The following GPRIN2 variants were observed in gnomAD, a reference collection of about 807,000 sequenced individuals.
The protein encoded by GPRIN2 is G protein regulated inducer of neurite outgrowth 2.
In GPRIN2, 1 loss-of-function variant was observed where a neutral mutation model predicts 0.3. That is an observed-to-expected ratio of 3.90 (90% CI 1.39 to 18.51). The LOEUF is 18.51. Among genes scored for constraint, GPRIN2 ranks in the 30% most tolerant of loss-of-function variants. The pLI is 0.11. For synonymous variants in GPRIN2, 361 were observed against 258.6 expected (o/e 1.40, Z -3.80); for missense variants, 880 against 604.2 (o/e 1.46, Z -4.79).
intron 2 of GPRIN2, among the ~76,000 whole-genome samples, chr10:46,551,695 C>A (rs1189579499): frequency 6.6e-6 from 1 of 152,308 alleles, no homozygotes; most frequent in African/African-American, 2.4e-5. Flanking sequence ...CCCCCACCCT[C>A]CGTACCATCG....
chr10:46,551,350 C>T, intron 2 of GPRIN2: 1 of 976,392 alleles, frequency 1.0e-6, no homozygotes, highest in Non-Finnish European at 1.2e-6. Flanking sequence ...GCTTCCACAA[C>T]CACCCCCATC....
rs1349143124 is a variant in GPRIN2 at position 46,547,934 on chromosome 10, C to G, written c.*1426G>C. Among the ~76,000 whole-genome samples the G allele has an allele frequency of 2.6e-5, 4 of 152,308 alleles. No homozygotes were observed. The highest frequency in any genetic ancestry group is 9.6e-5 in the African/African-American group (4 of 41,484). ...GTGGCCTGTTGAAATGCCACTCCTG[C>G]TTTACAAATTCACCAACTGTTGCAT... On this transcript the variant is annotated 3_prime_UTR_variant, in exon 3 of 3. Transcript: ENST00000374314.
Position 46,550,235 on chromosome 10 carries a change from C to A in GPRIN2, c.502G>T (p.Ala168Ser). 1 of 1,607,366 alleles carries A rather than the reference C, an allele frequency of 6.2e-7. No homozygotes were observed. Among genetic ancestry groups the A allele is most frequent in the Non-Finnish European group, 8.5e-7 (1 of 1,176,254 alleles). The change falls in exon 3 of 3, where the codon GCC becomes TCC. Residue 168 changes from alanine to serine, a missense_variant. Coordinates refer to ENST00000374314, the MANE Select transcript of GPRIN2 (RefSeq NM_001385282.1). ...AGGTCCCTTTCCAGGCCTGCAGGGG[C>A]CTGGCCACCCTGGCCAGAAGTACCA... ...PGGTSGQGGQAPAGLERDLAP... is the reference protein window; with the variant it reads ...PGGTSGQGGQSPAGLERDLAP...
chr10:46,549,671 C>G lies in GPRIN2; in HGVS notation c.1066G>C (p.Ala356Pro). Residue 356 changes from alanine (A) to proline (P), a missense_variant, in exon 3 of 3, where the codon GCG becomes CCG. Transcript: ENST00000374314. The part of the protein sequence containing the change: ...KAVATSPSLE[A>P]PAALHVFPEV... ...GGGAACACATGCAGGGCTGCAGGCG[C>G]TTCCAGGGACGGACTGGTGGCCACA... The G allele has an allele frequency of 1.2e-6, 2 of 1,614,160 alleles. No homozygotes were observed. Among genetic ancestry groups the G allele is most frequent in the African/African-American group, 1.3e-5 (1 of 75,090 alleles).
chr10:46,549,808 G>T lies in GPRIN2; in HGVS notation c.929C>A (p.Thr310Asn), dbSNP rs1832584063. 3 of 1,614,088 alleles carry T rather than the reference G, an allele frequency of 1.9e-6. No homozygotes were observed. The African/African-American group carries it at 4.0e-5, about 22-fold the overall frequency. Residue 310 changes from threonine (T) to asparagine (N), a missense_variant, in exon 3 of 3, where the codon ACC (threonine) becomes AAC (asparagine). Transcript: ENST00000374314. ...TGAGGTCATGGTCCACACATCTTTG[G>T]TCCTAGAGCCAGGCTCTGGGACTAA... ...AGLVPEPGSR[T>N]KDVWTMTSAN...
At chr10:46,551,675 T>G (rs1842626206) in intron 2 of GPRIN2, among the ~76,000 whole-genome samples, 1 of 152,312 alleles carries the variant, frequency 6.6e-6, no homozygotes. Context: ...TGTACCTGCA[T>G]CCTCATTGTC....
intron 1 of GPRIN2, 125 bp from the exon 2 acceptor site, chr10:46,554,820 C>CCCGCCATGCTGCCACAG (rs1439738641): frequency 6.5e-6 from 1 of 153,994 alleles, no homozygotes; most frequent in Non-Finnish European, 1.4e-5. Flanking sequence ...GAGTCCAGCT[C>CCCGCCATGCTGCCACAG]CCGCCATGCT....
Position 46,550,288 on chromosome 10 carries a change from G to A in GPRIN2, c.449C>T (p.Pro150Leu), listed in dbSNP as rs1832419777. 2.5e-6 allele frequency: 4 copies of A among 1,612,968 alleles called. No homozygotes were observed. Among genetic ancestry groups the A allele is most frequent in the Non-Finnish European group, 3.4e-6 (4 of 1,179,886 alleles). ...SLSCSALGSS[P>L]VHRAQLQPGG... ...TGGCTGCAGCTGAGCCCTGTGGACA[G>A]GGCTGCTGCCAAGGGCTGAGCAGCT... The change falls in exon 3 of 3, where the codon CCT becomes CTT. Residue 150 changes from proline to leucine, a missense_variant. By Grantham distance (98) the Pro-to-Leu change is moderately conservative. Coordinates refer to ENST00000374314, the MANE Select transcript of GPRIN2 (RefSeq NM_001385282.1).
Position 46,543,223 on chromosome 10 carries a change from G to A in GPRIN2, c.*6137C>T, listed in dbSNP as rs1410138062. Among the ~76,000 whole-genome samples, 1 of 152,310 alleles carries A rather than the reference G, an allele frequency of 6.6e-6. No homozygotes were observed. On this transcript the variant is annotated 3_prime_UTR_variant, in exon 3 of 3. Transcript: ENST00000374314. ...GACCCAGACACAGCCACAGCTGGGG[G>A]CCTGGTGGGGGGAATGGCCAAGACC...
Position 46,546,377 on chromosome 10 carries a change from C to G in GPRIN2, c.*2983G>C, listed in dbSNP as rs1842163096. 6.6e-6 allele frequency among the ~76,000 whole-genome samples: 1 copy of G among 152,310 alleles called. No individual in the cohort carries two copies. The highest frequency in any genetic ancestry group is 6.5e-5 in the Admixed American group (1 of 15,294). On this transcript the variant is annotated 3_prime_UTR_variant, in exon 3 of 3. Transcript: ENST00000374314. The stretch of plus-strand genomic sequence containing the variant: ...GGGATTCCTGCTGAGGCAAGGGGCT[C>G]TAGGACTCCAGGGTTTATGCTCCAA...
chr10:46,553,972 G>C (rs1842892485), intron 2 of GPRIN2, among the ~76,000 whole-genome samples: 1 of 152,310 alleles, frequency 6.6e-6, no homozygotes, highest in East Asian at 1.9e-4. Flanking sequence ...GAGGAGGAAG[G>C]GGCAGGGCTC....
At chr10:46,553,503 AG>A (rs1302567529) in intron 2 of GPRIN2, among the ~76,000 whole-genome samples, 1 of 152,300 alleles carries the variant, frequency 6.6e-6, no homozygotes, top group Non-Finnish European at 1.5e-5. Flanking sequence ...CCTCCCAGGG[AG>A]GGGGGCCATA....
At position 46,548,644 on chromosome 10, in the gene GPRIN2, C is replaced by G. The variant is rs1842384688; in HGVS notation, c.*716G>C. ...CAGGGGCAGCCTCTGTCTCATTCAC[C>G]ACAGAATCCACAGAACCCAGCACAG... is the stretch of plus-strand genomic sequence containing the variant. On this transcript the variant is annotated 3_prime_UTR_variant, in exon 3 of 3. Coordinates refer to ENST00000374314, the MANE Select transcript of GPRIN2 (RefSeq NM_001385282.1). 1.3e-5 allele frequency among the ~76,000 whole-genome samples: 2 copies of G among 152,300 alleles called. No individual in the cohort carries two copies. The highest frequency in any genetic ancestry group is 4.8e-5 in the African/African-American group (2 of 41,488).
chr10:46,552,044 G>C (rs1408567589), intron 2 of GPRIN2, among the ~76,000 whole-genome samples: 2 of 152,306 alleles, frequency 1.3e-5, no homozygotes, highest in African/African-American at 2.4e-5. Flanking sequence ...CACCCACAGA[G>C]GAGGGCACTG....
intron 2 of GPRIN2, among the ~76,000 whole-genome samples, chr10:46,554,351 T>A (rs1831999268): frequency 6.6e-6 from 1 of 152,430 alleles, no homozygotes; most frequent in South Asian, 2.1e-4. Context: ...AGTCTCCCTA[T>A]CACCAAACTA....
rs1180670487 is a variant in GPRIN2 at position 46,544,487 on chromosome 10, C to G, written c.*4873G>C. ...TACAGATGCACACCACCATGCCCAG[C>G]TAATTTTTGTATTTTTTGTAGAGAT... On this transcript the variant is annotated 3_prime_UTR_variant, in exon 3 of 3. Transcript: ENST00000374314. Among the ~76,000 whole-genome samples, 2 of 152,308 alleles carry G rather than the reference C, an allele frequency of 1.3e-5. No individual in the cohort carries two copies. Among genetic ancestry groups the G allele is most frequent in the Non-Finnish European group, 2.9e-5 (2 of 68,054 alleles).
In GPRIN2 at chr10:46,550,469, A is replaced by C. The variant is rs1842495847; in HGVS notation, c.268T>G (p.Trp90Gly). The C allele has an allele frequency of 6.2e-7, 1 of 1,611,142 alleles. No homozygotes were observed. The highest frequency in any genetic ancestry group is 1.7e-5 in the Admixed American group (1 of 59,936). The part of the protein sequence containing the change: ...PKARPSAGGH[W>G]WSSTVGNVST... Reference sequence around the variant, plus strand: ...ACATTGCCCACAGTGCTGCTCCACCAGTGGCCTCCAGCACTGGGTCGCGCC... The same window carrying C: ...ACATTGCCCACAGTGCTGCTCCACCCGTGGCCTCCAGCACTGGGTCGCGCC... The change falls in exon 3 of 3, where the codon TGG becomes GGG. Residue 90 changes from tryptophan to glycine, a missense_variant. Physicochemically the swap from Trp to Gly is radical, Grantham distance 184. Transcript: ENST00000374314.
At chr10:46,553,968 G>C (rs1842892126) in intron 2 of GPRIN2, among the ~76,000 whole-genome samples, 1 of 152,310 alleles carries the variant, frequency 6.6e-6, no homozygotes, top group Admixed American at 6.5e-5. Flanking sequence ...GGGTGAGGAG[G>C]AAGGGGCAGG....
At chr10:46,550,882 G>A (rs1832233825) in intron 2 of GPRIN2, 140 bp from the exon 3 acceptor site, 1,756 of 912,228 alleles carry the variant, frequency 1.9e-3, no homozygotes, top group Non-Finnish European at 2.5e-3. Context: ...AGAACCATAT[G>A]CAAGGCAGTG....
Sources: allele counts gnomAD v4.1 joint callset (sites outside exome capture counted in the v4.1 genomes callset), GRCh38; gene constraint gnomAD v4.1.1; transcripts MANE v1.5; gene names NCBI Gene and HGNC (gene_info 2026-07-23, HGNC 2026-07-21).